The following PHF21B variants were observed in gnomAD, a reference collection of about 807,000 sequenced individuals.
PHF21B encodes the protein PHD finger protein 21B.
Under a neutral mutation model 62.2 loss-of-function variants are expected in PHF21B, and 22 were observed. The observed-to-expected ratio is 0.35, with a 90% confidence interval of 0.25 to 0.51. The LOEUF (loss-of-function observed/expected upper bound fraction) is 0.51, where lower values mean the gene tolerates loss of function less well. Among genes scored for constraint, PHF21B ranks in the 20% least tolerant of loss-of-function variants. The pLI, the probability that PHF21B is intolerant of heterozygous loss-of-function variation, is 0.97. For missense variants in PHF21B, 701 were observed against 707.9 expected (o/e 0.99, Z 0.11); for synonymous variants, 341 against 314.7 (o/e 1.08, Z -0.88).
intron 2 of PHF21B, among the ~76,000 whole-genome samples, chr22:44,931,004 T>C (rs2071730784): frequency 6.6e-6 from 1 of 152,210 alleles, no homozygotes; most frequent in East Asian, 1.9e-4. Flanking sequence ...AAGACCTCAA[T>C]GCTGGAACCC....
rs1165205734 is a variant in PHF21B, at chr22:44,902,497, T to C, written c.832-6414A>G. On this transcript the variant is annotated intron_variant, in intron 5 of 12. Transcript: ENST00000313237. ...CTATTTTTTGAATTTCGTATACTTTTCCCCCTTCTGCCTCTGGTGTCCCTT... is the reference window on the plus strand; with the variant it reads ...CTATTTTTTGAATTTCGTATACTTTCCCCCCTTCTGCCTCTGGTGTCCCTT... The C allele has an allele frequency of 1.8e-5, 3 of 165,372 alleles. No homozygotes were observed. In the East Asian group the frequency reaches 4.9e-4, roughly 27 times the overall value. The allele number at this position is 165,372 out of a possible 1,614,324, so 10.2% of individuals were successfully genotyped here.
At chr22:44,903,898 T>G (rs115066423) in intron 5 of PHF21B, among the ~76,000 whole-genome samples, 5,755 of 152,312 alleles carry the variant, frequency 0.038, 312 homozygotes, top group African/African-American at 0.12. Flanking sequence ...AAGCCTGTTT[T>G]CATTTCTCTA....
At chr22:44,963,169 T>C (rs950835815) in intron 2 of PHF21B, among the ~76,000 whole-genome samples, 1 of 152,168 alleles carries the variant, frequency 6.6e-6, no homozygotes, top group Non-Finnish European at 1.5e-5. Context: ...TGCTCTCCCT[T>C]CTGGGAACAG....
At chr22:44,913,446 A>C (rs2071379781) in intron 5 of PHF21B, among the ~76,000 whole-genome samples, 1 of 152,110 alleles carries the variant, frequency 6.6e-6, no homozygotes, top group Admixed American at 6.5e-5. Flanking sequence ...GCAAACATGA[A>C]CTCGCAGAAT....
intron 2 of PHF21B, among the ~76,000 whole-genome samples, chr22:44,951,121 T>C (rs1451408379): frequency 1.3e-5 from 2 of 152,180 alleles, no homozygotes; most frequent in Admixed American, 6.5e-5. Context: ...CTCACAGATA[T>C]GGTTTTGATA....
At chr22:44,976,158 A>G (rs952654298) in intron 2 of PHF21B, among the ~76,000 whole-genome samples, 1 of 152,236 alleles carries the variant, frequency 6.6e-6, no homozygotes, top group East Asian at 1.9e-4. Context: ...GCGACAGAGC[A>G]AGACCCTGTC....
chr22:44,947,665 T>G (rs1400372245), intron 2 of PHF21B, among the ~76,000 whole-genome samples: 1 of 152,248 alleles, frequency 6.6e-6, no homozygotes, highest in Non-Finnish European at 1.5e-5. Flanking sequence ...GTGTGAATTC[T>G]GCTTTCGTAC....
At chr22:44,941,347 C>T (rs1160109176) in intron 2 of PHF21B, among the ~76,000 whole-genome samples, 2 of 152,238 alleles carry the variant, frequency 1.3e-5, no homozygotes, top group Non-Finnish European at 2.9e-5. Flanking sequence ...TGTGCCCTTC[C>T]AGGGCTGTTT....
chr22:44,896,821 TG>T (rs2071065167), intron 5 of PHF21B, among the ~76,000 whole-genome samples: 1 of 152,004 alleles, frequency 6.6e-6, no homozygotes, highest in Non-Finnish European at 1.5e-5. Context: ...TCTTTGACTT[TG>T]TATACATATG....
intron 2 of PHF21B, among the ~76,000 whole-genome samples, chr22:44,998,652 C>A (rs1238518122): frequency 6.6e-6 from 1 of 152,202 alleles, no homozygotes; most frequent in Non-Finnish European, 1.5e-5. Context: ...CTGGGTACAC[C>A]CGTCCAGAGA....
intron 2 of PHF21B, among the ~76,000 whole-genome samples, chr22:44,985,013 T>C (rs987550171): frequency 3.3e-5 from 5 of 152,216 alleles, no homozygotes. Flanking sequence ...TTTTCTGTTA[T>C]CCTGTTAACT....
intron 2 of PHF21B, among the ~76,000 whole-genome samples, chr22:44,984,162 C>T (rs1384041387): frequency 2.0e-5 from 3 of 150,236 alleles, no homozygotes; most frequent in Non-Finnish European, 1.5e-5. Flanking sequence ...CCACCATCAC[C>T]ACCATCATCA....
chr22:44,972,957 C>A (rs1363254223), intron 2 of PHF21B, among the ~76,000 whole-genome samples: 4 of 152,164 alleles, frequency 2.6e-5, no homozygotes, highest in Non-Finnish European at 5.9e-5. Context: ...GGAGGCACAC[C>A]CTCCCCGCCA....
intron 2 of PHF21B, among the ~76,000 whole-genome samples, chr22:44,983,814 T>C (rs2072885427): frequency 1.3e-5 from 2 of 152,146 alleles, no homozygotes; most frequent in African/African-American, 4.8e-5. Context: ...GTCCTCTGAA[T>C]TATAATAAAA....
intron 6 of PHF21B, 46 bp from the exon 7 acceptor site, chr22:44,893,579 G>A: frequency 1.3e-6 from 2 of 1,549,318 alleles, no homozygotes; most frequent in Non-Finnish European, 1.7e-6. Context: ...GCCTGCCCTG[G>A]GAACCCCAAA....
At chr22:44,926,137 G>C (rs761441987) in intron 2 of PHF21B, among the ~76,000 whole-genome samples, 1 of 152,192 alleles carries the variant, frequency 6.6e-6, no homozygotes, top group East Asian at 1.9e-4. Flanking sequence ...CCTGGCAAGC[G>C]GGTTCTGTGG....
intron 7 of PHF21B, among the ~76,000 whole-genome samples, chr22:44,892,293 C>A (rs576875450): frequency 2.6e-5 from 4 of 152,328 alleles, no homozygotes; most frequent in East Asian, 3.9e-4. Flanking sequence ...AAACGGCCCA[C>A]GTGGAGCACG....
At chr22:44,928,930 C>A (rs1267061540) in intron 2 of PHF21B, among the ~76,000 whole-genome samples, 1 of 152,206 alleles carries the variant, frequency 6.6e-6, no homozygotes, top group Non-Finnish European at 1.5e-5. Flanking sequence ...GACCCACAGG[C>A]CTCTGGACAT....
chr22:44,983,986 T>C (rs1017866885), intron 2 of PHF21B, among the ~76,000 whole-genome samples: 6 of 151,378 alleles, frequency 4.0e-5, no homozygotes, highest in African/African-American at 1.5e-4. Flanking sequence ...GTCCTCAATC[T>C]TTCCCAGAGG....
Sources: gnomAD v4.1 joint callset for allele counts (sites outside exome capture counted in the v4.1 genomes callset) on GRCh38, gnomAD v4.1.1 for gene constraint, MANE v1.5 for transcripts, NCBI Gene and HGNC (gene_info 2026-07-23, HGNC 2026-07-21) for gene names.